FGF12: variants seen among roughly 807,000 people sequenced by gnomAD.
The protein encoded by FGF12 is fibroblast growth factor 12, also known as fibroblast growth factor 12B.
In FGF12, 14 loss-of-function variants were observed where a neutral mutation model predicts 23.6. The observed-to-expected ratio is 0.59, with a 90% confidence interval of 0.39 to 0.93. The LOEUF (loss-of-function observed/expected upper bound fraction) is 0.93. FGF12 is among the 40% of genes least tolerant of loss of function. The pLI, the probability that FGF12 is intolerant of heterozygous loss-of-function variation, is 0.00. For synonymous variants in FGF12, 62 were observed against 77.3 expected (o/e 0.80, Z 1.04); for missense variants, 175 against 217.8 (o/e 0.80, Z 1.24).
At chr3:192,438,627 C>A (rs1445206038) in intron 2 of FGF12, among the ~76,000 whole-genome samples, 5 of 152,164 alleles carry the variant, frequency 3.3e-5, no homozygotes, top group Admixed American at 3.3e-4. Context: ...GGAAGGGTAC[C>A]CAGACAGGAG....
chr3:192,307,744 T>C (rs1715724872), intron 4 of FGF12, among the ~76,000 whole-genome samples: 1 of 152,244 alleles, frequency 6.6e-6, no homozygotes, highest in South Asian at 2.1e-4. Context: ...TTATATTTAC[T>C]GCCACGCAAG....
intron 2 of FGF12, among the ~76,000 whole-genome samples, chr3:192,569,118 G>GA (rs909561059): frequency 1.3e-5 from 2 of 152,158 alleles, no homozygotes; most frequent in African/African-American, 4.8e-5. Context: ...ATGAAAGGTA[G>GA]AAAAAAAATA....
At chr3:192,391,175 A>C (rs1248977677) in intron 2 of FGF12, among the ~76,000 whole-genome samples, 1 of 152,226 alleles carries the variant, frequency 6.6e-6, no homozygotes, top group Non-Finnish European at 1.5e-5. Context: ...ATATCTCTTC[A>C]TTATGATAGT....
intron 2 of FGF12, among the ~76,000 whole-genome samples, chr3:192,681,520 A>G (rs1475247080): frequency 6.6e-6 from 1 of 152,256 alleles, no homozygotes; most frequent in East Asian, 1.9e-4. Context: ...GACAAGAAGT[A>G]GATGATAGTG....
chr3:192,187,276 T>C (rs1716523462), intron 4 of FGF12, among the ~76,000 whole-genome samples: 1 of 152,170 alleles, frequency 6.6e-6, no homozygotes, highest in Admixed American at 6.5e-5. Context: ...ACATATATAG[T>C]CTTTTTTTGA....
chr3:192,445,645 T>C (rs1722332480), intron 2 of FGF12, among the ~76,000 whole-genome samples: 1 of 152,168 alleles, frequency 6.6e-6, no homozygotes, highest in Non-Finnish European at 1.5e-5. Flanking sequence ...TGGGGGTCTC[T>C]CACGCTTCTC....
At chr3:192,467,992 C>CGTGG (rs1181261751) in intron 2 of FGF12, among the ~76,000 whole-genome samples, 1 of 152,184 alleles carries the variant, frequency 6.6e-6, no homozygotes, top group African/African-American at 2.4e-5. Flanking sequence ...GATGAAAGGG[C>CGTGG]GTGGACCTTG....
At chr3:192,697,527 G>T (rs1025351863) in intron 2 of FGF12, among the ~76,000 whole-genome samples, 1 of 152,174 alleles carries the variant, frequency 6.6e-6, no homozygotes, top group Non-Finnish European at 1.5e-5. Flanking sequence ...CAACCTGGCA[G>T]AAGGCTCAAA....
intron 2 of FGF12, among the ~76,000 whole-genome samples, chr3:192,618,509 T>C (rs1447928683): frequency 6.6e-6 from 1 of 152,078 alleles, no homozygotes; most frequent in African/African-American, 2.4e-5. Context: ...ATAGACAAGA[T>C]GAGAAGAGTT....
rs1003133712 is a variant in FGF12 at position 192,408,409 on chromosome 3, C to T, written c.14-47871G>A. 5 of 1,399,732 alleles carry T rather than the reference C, an allele frequency of 3.6e-6. No individual in the cohort carries two copies. The highest frequency in any genetic ancestry group is 4.6e-6 in the Non-Finnish European group (5 of 1,082,598). 86.7% of individuals were successfully genotyped at this position (1,399,732 alleles called of 1,614,324 possible). ...AGGTTAGTCAAAGTCTGGGCAGTGG[C>T]GACAAAATGTGTGAAAATCCAGATG... On this transcript the variant is annotated intron_variant, in intron 2 of 5. Transcript: ENST00000445105. This position sits in a 1 kb window ranked among gnomAD's most constrained non-coding sequence, Gnocchi z 7.3.
At chr3:192,188,659 T>C (rs1490966546) in intron 4 of FGF12, among the ~76,000 whole-genome samples, 1 of 152,248 alleles carries the variant, frequency 6.6e-6, no homozygotes. Context: ...TGGGCTTTGA[T>C]GCAAGACACT....
intron 2 of FGF12, among the ~76,000 whole-genome samples, chr3:192,629,330 A>T (rs1715300258): frequency 6.6e-6 from 1 of 152,354 alleles, no homozygotes; most frequent in South Asian, 2.1e-4. Flanking sequence ...TTACTGCAGA[A>T]ATCACCTAAT....
chr3:192,535,879 A>G (rs1012764307), intron 2 of FGF12, among the ~76,000 whole-genome samples: 1 of 152,188 alleles, frequency 6.6e-6, no homozygotes, highest in Non-Finnish European at 1.5e-5. Flanking sequence ...CATTCATTCA[A>G]TAACCCCAAA....
intron 2 of FGF12, among the ~76,000 whole-genome samples, chr3:192,505,878 G>A (rs1424257203): frequency 3.9e-5 from 6 of 152,174 alleles, no homozygotes; most frequent in Non-Finnish European, 8.8e-5. Flanking sequence ...CCAGACACAC[G>A]AACTTCGAAG....
At chr3:192,282,036 T>C (rs984587446) in intron 4 of FGF12, among the ~76,000 whole-genome samples, 1 of 152,204 alleles carries the variant, frequency 6.6e-6, no homozygotes, top group Non-Finnish European at 1.5e-5. Context: ...TCATTTGCTG[T>C]AGGTAGTCAC....
intron 2 of FGF12, among the ~76,000 whole-genome samples, chr3:192,439,420 CT>C (rs987503992): frequency 4.1e-4 from 63 of 152,284 alleles, no homozygotes; most frequent in African/African-American, 1.5e-3. Context: ...TATAAAGGTC[CT>C]TTTAAAGCCA....
At chr3:192,196,588 T>A (rs924857698) in intron 4 of FGF12, among the ~76,000 whole-genome samples, 1 of 152,170 alleles carries the variant, frequency 6.6e-6, no homozygotes, top group African/African-American at 2.4e-5. Flanking sequence ...TAAAGCTGTT[T>A]AGCAACATGT....
At chr3:192,599,197 C>T (rs1378389169) in intron 2 of FGF12, among the ~76,000 whole-genome samples, 1 of 151,324 alleles carries the variant, frequency 6.6e-6, no homozygotes, top group Non-Finnish European at 1.5e-5. Flanking sequence ...CACCATGGCA[C>T]GTGTATACCT....
chr3:192,642,601 T>C (rs1715847813), intron 2 of FGF12, among the ~76,000 whole-genome samples: 1 of 152,210 alleles, frequency 6.6e-6, no homozygotes, highest in African/African-American at 2.4e-5. Flanking sequence ...ATATTACTTA[T>C]TCAACAAATA....
Sources: allele counts gnomAD v4.1 joint callset (sites outside exome capture counted in the v4.1 genomes callset), GRCh38; gene constraint gnomAD v4.1.1; non-coding constraint Gnocchi (gnomAD v3.1); transcripts MANE v1.5; gene names NCBI Gene and HGNC (gene_info 2026-07-23, HGNC 2026-07-21).